Variants in SLC25A21 observed in about 807,000 individuals in gnomAD.
The protein encoded by SLC25A21 is solute carrier family 25 member 21.
In SLC25A21, 47 loss-of-function variants were observed where a neutral mutation model predicts 43.8. That is an observed-to-expected ratio of 1.07 (90% CI 0.85 to 1.37). The LOEUF (loss-of-function observed/expected upper bound fraction) is 1.37, where lower values mean the gene tolerates loss of function less well. SLC25A21 is among the 40% of genes most tolerant of loss of function. SLC25A21 has a pLI of 0.00. For missense variants in SLC25A21, 352 were observed against 350.2 expected, an observed-to-expected ratio of 1.00 and a Z score of -0.04; for synonymous variants, 131 against 121.3, an observed-to-expected ratio of 1.08 and a Z score of -0.52.
At chr14:37,085,696 C>T (rs1211188441) in intron 1 of SLC25A21, among the ~76,000 whole-genome samples, 1 of 152,160 alleles carries the variant, frequency 6.6e-6, no homozygotes, top group East Asian at 1.9e-4. Context: ...GTAATTCACT[C>T]GACTGAAGTG....
At chr14:37,075,509 C>CA (rs1962261383) in intron 1 of SLC25A21, among the ~76,000 whole-genome samples, 1 of 152,122 alleles carries the variant, frequency 6.6e-6, no homozygotes, top group Non-Finnish European at 1.5e-5. Flanking sequence ...ATGATACACA[C>CA]ACCAAACTAT....
chr14:37,007,248 C>T (rs1190695614), intron 1 of SLC25A21, among the ~76,000 whole-genome samples: 6 of 152,272 alleles, frequency 3.9e-5, no homozygotes, highest in African/African-American at 9.6e-5. Flanking sequence ...AGAAACTAGT[C>T]ATGCAAAAGC....
At chr14:36,994,272 C>G (rs1345164183) in intron 1 of SLC25A21, among the ~76,000 whole-genome samples, 1 of 152,112 alleles carries the variant, frequency 6.6e-6, no homozygotes, top group African/African-American at 2.4e-5. Flanking sequence ...TCCTAAGATT[C>G]AGGATTCTCT....
rs531123304 is a variant in SLC25A21, at chr14:36,799,747, A to C, written c.203+14171T>G. 3.9e-5 allele frequency among the ~76,000 whole-genome samples: 6 copies of C among 152,294 alleles called. No individual in the cohort carries two copies. The East Asian group carries it at 1.2e-3, about 29-fold the overall frequency. On this transcript the variant is annotated intron_variant, in intron 3 of 9. Coordinates refer to ENST00000331299, the MANE Select transcript of SLC25A21 (RefSeq NM_030631.4). ...TACACAAACATTTTGACCTTGTCTG[A>C]CTCATCAATAAAATAGGAAAAATTG... is the stretch of plus-strand genomic sequence containing the variant.
chr14:36,889,632 A>G (rs1486619463), intron 1 of SLC25A21, among the ~76,000 whole-genome samples: 1 of 151,652 alleles, frequency 6.6e-6, no homozygotes, highest in Non-Finnish European at 1.5e-5. Flanking sequence ...GATTACAGGC[A>G]TGTACCACTA....
intron 1 of SLC25A21, among the ~76,000 whole-genome samples, chr14:36,885,324 G>A (rs1890883412): frequency 6.6e-6 from 1 of 152,118 alleles, no homozygotes; most frequent in Non-Finnish European, 1.5e-5. Context: ...TGATCAATGT[G>A]TCTGTTTTTA....
chr14:36,962,498 A>G (rs1959517942), intron 1 of SLC25A21, among the ~76,000 whole-genome samples: 1 of 152,016 alleles, frequency 6.6e-6, no homozygotes, highest in South Asian at 2.1e-4. Flanking sequence ...CTGCCACCCC[A>G]TAGCCCCACC....
chr14:37,083,132 A>G (rs1390050024), intron 1 of SLC25A21, among the ~76,000 whole-genome samples: 1 of 152,230 alleles, frequency 6.6e-6, no homozygotes, highest in Non-Finnish European at 1.5e-5. Context: ...TTTATGCTGA[A>G]TGTAAGCTCT....
At chr14:36,854,893 A>AGGGTAATT (rs1889851077) in intron 2 of SLC25A21, among the ~76,000 whole-genome samples, 1 of 131,944 alleles carries the variant, frequency 7.6e-6, no homozygotes, top group East Asian at 2.5e-4. Flanking sequence ...GCAGTGTAGG[A>AGGGTAATT]GGGTAATTGG....
chr14:36,907,553 A>G (rs1341554893), intron 1 of SLC25A21, among the ~76,000 whole-genome samples: 3 of 152,152 alleles, frequency 2.0e-5, no homozygotes, highest in Non-Finnish European at 2.9e-5. Flanking sequence ...ATACATTGCC[A>G]CCAACTAAAA....
chr14:36,976,992 T>G (rs1959889189), intron 1 of SLC25A21, among the ~76,000 whole-genome samples: 1 of 152,200 alleles, frequency 6.6e-6, no homozygotes, highest in East Asian at 1.9e-4. Flanking sequence ...CAAATGCTAT[T>G]CAGGAAATGC....
chr14:37,078,512 G>T (rs1349600043), intron 1 of SLC25A21, among the ~76,000 whole-genome samples: 1 of 152,088 alleles, frequency 6.6e-6, no homozygotes, highest in Non-Finnish European at 1.5e-5. Context: ...ACATGGATTT[G>T]TCCACATAAA....
chr14:37,069,076 C>T (rs1256709497), intron 1 of SLC25A21, among the ~76,000 whole-genome samples: 3 of 151,976 alleles, frequency 2.0e-5, no homozygotes, highest in Non-Finnish European at 2.9e-5. Flanking sequence ...ACTCTGGAGG[C>T]TGACGCAGGA....
chr14:37,031,719 T>C (rs554694113), intron 1 of SLC25A21, among the ~76,000 whole-genome samples: 8 of 152,192 alleles, frequency 5.3e-5, no homozygotes, highest in Non-Finnish European at 1.2e-4. Flanking sequence ...TTTCAAATTA[T>C]AGGATTCTTG....
chr14:36,902,718 G>A (rs963496298), intron 1 of SLC25A21, among the ~76,000 whole-genome samples: 6 of 152,074 alleles, frequency 3.9e-5, no homozygotes, highest in Non-Finnish European at 8.8e-5. Flanking sequence ...TTATTGTGGC[G>A]GGGCACAGTG....
At chr14:36,856,606 T>C (rs1049217516) in intron 2 of SLC25A21, among the ~76,000 whole-genome samples, 1 of 152,160 alleles carries the variant, frequency 6.6e-6, no homozygotes, top group Non-Finnish European at 1.5e-5. Context: ...GGCATCACCC[T>C]GGAGAGAAGC....
At chr14:37,140,908 A>G (rs1963559141) in intron 1 of SLC25A21, among the ~76,000 whole-genome samples, 2 of 152,076 alleles carry the variant, frequency 1.3e-5, no homozygotes, top group Admixed American at 6.6e-5. Context: ...GCACTTTGGG[A>G]GGCTGAGGCG....
chr14:36,801,863 ACAGAACACATT>A (rs752180750), intron 3 of SLC25A21, among the ~76,000 whole-genome samples: 1 of 152,176 alleles, frequency 6.6e-6, no homozygotes, highest in Admixed American at 6.6e-5. Context: ...AGTAGTGAAG[ACAGAACACATT>A]CAAAGCATGG....
At chr14:36,940,153 A>G (rs899975177) in intron 1 of SLC25A21, among the ~76,000 whole-genome samples, 4 of 152,046 alleles carry the variant, frequency 2.6e-5, no homozygotes, top group South Asian at 2.1e-4. Context: ...CAACTTTAAC[A>G]ACGACTACCA....
Sources: gnomAD v4.1 joint callset for allele counts (sites outside exome capture counted in the v4.1 genomes callset) on GRCh38, gnomAD v4.1.1 for gene constraint, MANE v1.5 for transcripts, NCBI Gene and HGNC (gene_info 2026-07-23, HGNC 2026-07-21) for gene names.